Variants in XKR9 observed in about 807,000 individuals in gnomAD.
XKR9 encodes the protein XK-related protein 9.
A neutral mutation model predicts 32.0 loss-of-function variants in XKR9; 32 were observed. The ratio of observed to expected loss-of-function variants is 1.00; its 90% CI spans 0.76 to 1.34. The LOEUF (loss-of-function observed/expected upper bound fraction) is 1.34, where lower values mean the gene tolerates loss of function less well. Ranked by LOEUF, XKR9 falls within the 40% of genes most tolerant of loss-of-function variation. The probability of loss-of-function intolerance (pLI) is 0.00; values close to 1 mark genes in which losing one functional copy is unlikely to be tolerated. For missense variants in XKR9, 546 were observed against 429.7 expected, an observed-to-expected ratio of 1.27 and a Z score of -2.39; for synonymous variants, 168 against 143.4, an observed-to-expected ratio of 1.17 and a Z score of -1.22.
At chr8:70,819,459 G>A in the XKR9 span, among the ~76,000 whole-genome samples, 3 of 152,136 alleles carry the variant, frequency 2.0e-5, no homozygotes, top group Non-Finnish European at 4.4e-5. Flanking sequence ...GTGTCCACTA[G>A]TGTTTCAGTA....
the XKR9 span, among the ~76,000 whole-genome samples, chr8:70,989,146 T>A: frequency 6.6e-6 from 1 of 152,210 alleles, no homozygotes; most frequent in South Asian, 2.1e-4. Context: ...TTGACACATA[T>A]TTTTGGACAT....
intron 3 of XKR9, among the ~76,000 whole-genome samples, chr8:70,689,499 TTATATA>T (rs201253148): frequency 6.7e-6 from 1 of 148,374 alleles, no homozygotes; most frequent in Non-Finnish European, 1.5e-5. Context: ...TATATATGTA[TTATATA>T]TATATGTATA....
chr8:70,897,181 C>T, the XKR9 span, among the ~76,000 whole-genome samples: 2 of 152,104 alleles, frequency 1.3e-5, no homozygotes, highest in Non-Finnish European at 2.9e-5. Flanking sequence ...ATAATGACTC[C>T]CACTTCCATC....
chr8:70,841,994 GAATT>G, the XKR9 span, among the ~76,000 whole-genome samples: 1 of 152,142 alleles, frequency 6.6e-6, no homozygotes, highest in East Asian at 1.9e-4. Flanking sequence ...TTTCGTGCTT[GAATT>G]AATTATTACT....
chr8:71,055,524 G>C, the XKR9 span, among the ~76,000 whole-genome samples: 519 of 152,252 alleles, frequency 3.4e-3, 3 homozygotes, highest in South Asian at 0.016. Context: ...ATGAGAAAAA[G>C]AAGGGACCAT....
At chr8:70,703,160 T>C (rs572684578) in intron 3 of XKR9, among the ~76,000 whole-genome samples, 1 of 114,722 alleles carries the variant, frequency 8.7e-6, no homozygotes, top group East Asian at 2.0e-4. Context: ...TTAATATTTT[T>C]CCAAGTGTTT....
At chr8:70,726,460 T>A (rs1007888810) in intron 4 of XKR9, among the ~76,000 whole-genome samples, 1 of 152,206 alleles carries the variant, frequency 6.6e-6, no homozygotes, top group Non-Finnish European at 1.5e-5. Flanking sequence ...TTGAGCAAAC[T>A]TTTCACTCAA....
chr8:70,884,697 T>C, the XKR9 span, among the ~76,000 whole-genome samples: 1 of 152,164 alleles, frequency 6.6e-6, no homozygotes, highest in African/African-American at 2.4e-5. Flanking sequence ...GTTGGCTATA[T>C]TTGTGTGGGT....
the XKR9 span, among the ~76,000 whole-genome samples, chr8:71,032,281 CAAAAAAA>C: frequency 1.4e-4 from 10 of 73,206 alleles, no homozygotes; most frequent in Admixed American, 1.9e-4. Context: ...GAGACTCTGT[CAAAAAAA>C]AAAAAAAAAA....
the XKR9 span, among the ~76,000 whole-genome samples, chr8:70,980,180 G>T: frequency 6.6e-6 from 1 of 152,220 alleles, no homozygotes; most frequent in African/African-American, 2.4e-5. Context: ...GCTTCCCTTG[G>T]CTGGGAAAGG....
the XKR9 span, among the ~76,000 whole-genome samples, chr8:70,822,345 A>G: frequency 1.3e-5 from 2 of 152,028 alleles, no homozygotes; most frequent in African/African-American, 2.4e-5. Flanking sequence ...TTAATTTATC[A>G]TAATTGTCAT....
chr8:71,059,115 C>A, the XKR9 span, among the ~76,000 whole-genome samples: 1 of 152,344 alleles, frequency 6.6e-6, no homozygotes, highest in East Asian at 1.9e-4. Context: ...ATTCAAATAC[C>A]TTTTGAAAAC....
At chr8:70,770,538 G>A (rs908776472) in intron 2 of XKR9, among the ~76,000 whole-genome samples, 1 of 152,212 alleles carries the variant, frequency 6.6e-6, no homozygotes, top group African/African-American at 2.4e-5. Flanking sequence ...CAGGTGCTCT[G>A]TCCCAGGGAG....
At chr8:70,935,655 G>A in the XKR9 span, among the ~76,000 whole-genome samples, 8 of 152,010 alleles carry the variant, frequency 5.3e-5, no homozygotes, top group African/African-American at 1.9e-4. Context: ...AATTTGTCTG[G>A]TATATTTCTA....
the XKR9 span, among the ~76,000 whole-genome samples, chr8:70,946,802 A>G: frequency 2.6e-5 from 4 of 152,164 alleles, no homozygotes; most frequent in Non-Finnish European, 5.9e-5. Context: ...TAACATTGCA[A>G]CACTGGGGAG....
At chr8:70,915,629 A>G in the XKR9 span, among the ~76,000 whole-genome samples, 1 of 152,202 alleles carries the variant, frequency 6.6e-6, no homozygotes, top group African/African-American at 2.4e-5. Flanking sequence ...TCTATCTAGA[A>G]CTGATTTTGT....
At chr8:70,748,573 G>C (rs1361694393) in intron 2 of XKR9, among the ~76,000 whole-genome samples, 1 of 152,234 alleles carries the variant, frequency 6.6e-6, no homozygotes, top group East Asian at 1.9e-4. Flanking sequence ...GCTGAGGGTG[G>C]CTCTGTGCAG....
chr8:70,997,868 A>G, the XKR9 span, among the ~76,000 whole-genome samples: 1 of 152,178 alleles, frequency 6.6e-6, no homozygotes, highest in Non-Finnish European at 1.5e-5. Context: ...CTCCCTTTGA[A>G]TGTGTGCATT....
At chr8:70,982,462 G>C in the XKR9 span, among the ~76,000 whole-genome samples, 1 of 152,066 alleles carries the variant, frequency 6.6e-6, no homozygotes, top group Non-Finnish European at 1.5e-5. Context: ...CACCAGGGAA[G>C]TGGGGGAAAG....
Sources: allele counts gnomAD v4.1 joint callset (sites outside exome capture counted in the v4.1 genomes callset), GRCh38; gene constraint gnomAD v4.1.1; transcripts MANE v1.5; gene names NCBI Gene and HGNC (gene_info 2026-07-23, HGNC 2026-07-21).